The following GAB3 variants were observed in gnomAD, a reference collection of about 807,000 sequenced individuals.
GAB3 encodes GRB2 associated binding protein 3, also known as GRB2-associated-binding protein 3.
Under a neutral mutation model 40.4 loss-of-function variants are expected in GAB3, and 12 were observed. The ratio of observed to expected loss-of-function variants is 0.30; its 90% CI spans 0.19 to 0.48. GAB3 has a LOEUF of 0.48. GAB3 is among the 20% of genes least tolerant of loss of function. The pLI is 0.99. For synonymous variants in GAB3, 154 were observed against 176.7 expected (o/e 0.87, Z 1.02); for missense variants, 381 against 461.9 (o/e 0.82, Z 1.61).
In GAB3 at chrX:154,675,441, C is replaced by G. The variant is rs2070282478; in HGVS notation, c.*2737G>C. On this transcript the variant is annotated 3_prime_UTR_variant, in exon 10 of 10. Transcript: ENST00000424127. ...GATTCAGCTGATCCTGTGAAGTGGA[C>G]TGTACAGTGGGTAGGTCGCTTCGTG... 9.0e-6 allele frequency: 1 copy of G among 111,625 alleles called. No homozygotes were observed. Among genetic ancestry groups the G allele is most frequent in the African/African-American group, 3.3e-5 (1 of 30,708 alleles). 9.2% of individuals were successfully genotyped at this position (111,625 alleles called of 1,213,427 possible). A position where few individuals can be genotyped will look rare whatever the true frequency, so the allele number is the denominator to read the frequency against.
chrX:154,691,706 C>T (rs2070571758), intron 8 of GAB3, among the ~76,000 whole-genome samples: 1 of 111,071 alleles, frequency 9.0e-6, no homozygotes, highest in Non-Finnish European at 1.9e-5. Flanking sequence ...ATTAAGTGAC[C>T]CTTAAATGAC....
chrX:154,726,851 T>C (rs1557259419), intron 1 of GAB3, among the ~76,000 whole-genome samples: 1 of 111,345 alleles, frequency 9.0e-6, no homozygotes, highest in Admixed American at 9.5e-5. Flanking sequence ...CTGTTGACTC[T>C]ACTTTCAAAA....
At chrX:154,709,352 G>A (rs2070879589) in intron 4 of GAB3, among the ~76,000 whole-genome samples, 1 of 99,356 alleles carries the variant, frequency 1.0e-5, no homozygotes, top group South Asian at 4.8e-4. Context: ...ACGAAGTCTT[G>A]CTCTGTCGCC....
rs1188691662 is a variant in GAB3 at position 154,675,714 on chromosome X, T to C, written c.*2464A>G. 8.9e-6 allele frequency: 1 copy of C among 112,377 alleles called. No individual in the cohort carries two copies. The highest frequency in any genetic ancestry group is 3.2e-5 in the African/African-American group (1 of 30,902). 9.3% of individuals were successfully genotyped at this position (112,377 alleles called of 1,213,427 possible). A position where few individuals can be genotyped will look rare whatever the true frequency, so the allele number is the denominator to read the frequency against. ...TTGCTGCATTGCCCTGTTATGCTGA[T>C]TCCCACATCTTGTAGGTCTCTGGGA... On this transcript the variant is annotated 3_prime_UTR_variant, in exon 10 of 10. Transcript: ENST00000424127.
At chrX:154,735,354 A>G (rs2071350445) in intron 1 of GAB3, among the ~76,000 whole-genome samples, 1 of 112,211 alleles carries the variant, frequency 8.9e-6, no homozygotes, top group Non-Finnish European at 1.9e-5. Context: ...CATTCCCTTC[A>G]TCCCATTTAC....
chrX:154,710,386 C>T (rs1557255521), intron 4 of GAB3, among the ~76,000 whole-genome samples: 1 of 111,682 alleles, frequency 9.0e-6, no homozygotes, highest in African/African-American at 3.3e-5. Context: ...ACTTGTCCTA[C>T]TGGATATTAA....
At chrX:154,703,594 C>T (rs1256697885) in intron 4 of GAB3, among the ~76,000 whole-genome samples, 1 of 111,721 alleles carries the variant, frequency 9.0e-6, no homozygotes, top group Non-Finnish European at 1.9e-5. Flanking sequence ...CAACAAACCC[C>T]TATGACACAA....
intron 1 of GAB3, among the ~76,000 whole-genome samples, chrX:154,750,043 C>T (rs1289496459): frequency 8.9e-6 from 1 of 112,552 alleles, no homozygotes; most frequent in Non-Finnish European, 1.9e-5. Flanking sequence ...TTCCTACCAC[C>T]GTGCAGTGAA....
At chrX:154,698,066 A>G (rs1378452658) in intron 6 of GAB3, among the ~76,000 whole-genome samples, 2 of 112,258 alleles carry the variant, frequency 1.8e-5, no homozygotes, top group Non-Finnish European at 3.8e-5. Flanking sequence ...GCCCATTTAG[A>G]CATATATGTA....
At chrX:154,697,726 G>T (rs1484799137) in intron 6 of GAB3, among the ~76,000 whole-genome samples, 1 of 111,905 alleles carries the variant, frequency 8.9e-6, no homozygotes, top group Non-Finnish European at 1.9e-5. Flanking sequence ...GGGCTCTCAA[G>T]TTCTTGTACT....
intron 4 of GAB3, among the ~76,000 whole-genome samples, chrX:154,702,695 A>G (rs2070755290): frequency 8.9e-6 from 1 of 112,532 alleles, no homozygotes; most frequent in African/African-American, 3.2e-5. Flanking sequence ...CAGAATATTT[A>G]AGAAGCTCAA....
intron 9 of GAB3, 148 bp downstream of exon 9, chrX:154,679,984 G>T: frequency 2.2e-6 from 1 of 453,584 alleles, no homozygotes. Flanking sequence ...TCTCTGGGAG[G>T]CAGGATGAGG....
chrX:154,702,476 G>A (rs2148438404), intron 4 of GAB3, among the ~76,000 whole-genome samples: 1 of 112,131 alleles, frequency 8.9e-6, no homozygotes, highest in Non-Finnish European at 1.9e-5. Context: ...GAAAACATTA[G>A]GGAAAATCTC....
intron 1 of GAB3, among the ~76,000 whole-genome samples, chrX:154,737,405 C>T (rs1226645490): frequency 2.0e-4 from 22 of 111,353 alleles, no homozygotes; most frequent in African/African-American, 4.9e-4. Context: ...TCTCTAACTG[C>T]GGTATCTCCC....
chrX:154,732,381 T>G (rs2071304328), intron 1 of GAB3, among the ~76,000 whole-genome samples: 2 of 111,906 alleles, frequency 1.8e-5, no homozygotes, highest in Admixed American at 1.9e-4. Flanking sequence ...CTGAAGAAAG[T>G]CTTTCTCAAA....
intron 4 of GAB3, among the ~76,000 whole-genome samples, chrX:154,709,075 C>G (rs1053246481): frequency 5.4e-5 from 6 of 110,796 alleles, no homozygotes; most frequent in Non-Finnish European, 1.1e-4. Context: ...CACCATCCCC[C>G]TAGTGCTGTC....
intron 1 of GAB3, among the ~76,000 whole-genome samples, chrX:154,734,901 C>A (rs2071343033): frequency 8.9e-6 from 1 of 112,085 alleles, no homozygotes; most frequent in South Asian, 3.7e-4. Context: ...CCAAGATTAT[C>A]AAAATATTTT....
At chrX:154,708,133 C>G (rs1456304645) in intron 4 of GAB3, among the ~76,000 whole-genome samples, 1 of 111,939 alleles carries the variant, frequency 8.9e-6, no homozygotes, top group Non-Finnish European at 1.9e-5. Context: ...AAAGGAGAGT[C>G]TCTTCAATAA....
chrX:154,733,574 T>C (rs1354798436), intron 1 of GAB3, among the ~76,000 whole-genome samples: 2 of 112,297 alleles, frequency 1.8e-5, no homozygotes, highest in Non-Finnish European at 3.8e-5. Context: ...CAAAGAGATA[T>C]GTTTTATTTT....
Sources: allele counts gnomAD v4.1 joint callset (sites outside exome capture counted in the v4.1 genomes callset), GRCh38; gene constraint gnomAD v4.1.1; transcripts MANE v1.5; gene names NCBI Gene and HGNC (gene_info 2026-07-23, HGNC 2026-07-21).